RPGRIP1: variants seen among roughly 807,000 people sequenced by gnomAD.
The protein encoded by RPGRIP1 is X-linked retinitis pigmentosa GTPase regulator-interacting protein 1.
Under a neutral mutation model 157.9 loss-of-function variants are expected in RPGRIP1, and 128 were observed. That is an observed-to-expected ratio of 0.81 (90% CI 0.70 to 0.94). The LOEUF is 0.94. Ranked by LOEUF, RPGRIP1 falls within the 40% of genes least tolerant of loss-of-function variation. The pLI is 0.00. For missense variants in RPGRIP1, 1,486 were observed against 1,545.8 expected (o/e 0.96, Z 0.65); for synonymous variants, 554 against 571.6 (o/e 0.97, Z 0.44).
intron 7 of RPGRIP1, among the ~76,000 whole-genome samples, chr14:21,309,807 C>A (rs1022617725): frequency 1.4e-5 from 2 of 147,500 alleles, no homozygotes; most frequent in East Asian, 2.0e-4. Context: ...GATTATTTGA[C>A]CTTTTTTAAA....
intron 6 of RPGRIP1, among the ~76,000 whole-genome samples, chr14:21,306,446 ATTATT>A (rs376127265): frequency 1.7e-4 from 26 of 148,910 alleles, no homozygotes; most frequent in African/African-American, 1.7e-4. Context: ...TCTTCTTTCT[ATTATT>A]TTATTTTATT....
intron 3 of RPGRIP1, among the ~76,000 whole-genome samples, chr14:21,297,834 A>ATTCTTTCTTTCTTTCTTTCTCTCT (rs1880850280): frequency 7.5e-6 from 1 of 133,216 alleles, no homozygotes; most frequent in Non-Finnish European, 1.5e-5. Context: ...TCAATAAATT[A>ATTCTTTCTTTCTTTCTTTCTCTCT]TTCTTTCTTT....
chr14:21,302,875 T>TG (rs1217967649), intron 5 of RPGRIP1: 2 of 187,120 alleles, frequency 1.1e-5, no homozygotes, highest in East Asian at 1.2e-4. Flanking sequence ...GTTTTTTTTT[T>TG]TTTTTTTTTT....
At position 21,287,943 on chromosome 14, in the gene RPGRIP1, C is replaced by T. The variant is rs766689197; in HGVS notation, c.-34C>T. 1 of 1,468,224 alleles carries T rather than the reference C, an allele frequency of 6.8e-7. No homozygotes were observed. The highest frequency in any genetic ancestry group is 1.7e-5 in the Admixed American group (1 of 57,962). 90.9% of individuals were successfully genotyped at this position (1,468,224 alleles called of 1,614,324 possible). A position where few individuals can be genotyped will look rare whatever the true frequency, so the allele number is the denominator to read the frequency against. On this transcript the variant is annotated 5_prime_UTR_variant, in exon 2 of 25. Coordinates refer to ENST00000400017, the MANE Select transcript of RPGRIP1 (RefSeq NM_020366.4). ...TGGACTTTTCCTTTATTTCAGTGTC[C>T]TCTGGGATCTCTTACAGCTTGGGAA...
At chr14:21,290,109 G>A (rs1417960846) in intron 2 of RPGRIP1, among the ~76,000 whole-genome samples, 4 of 151,472 alleles carry the variant, frequency 2.6e-5, no homozygotes, top group South Asian at 4.2e-4. Flanking sequence ...TGTCTGCCTC[G>A]GCCTCCCAAA....
At chr14:21,297,873 C>CTTTCTTTCTTTCTTTCTTTT (rs1415395654) in intron 3 of RPGRIP1, among the ~76,000 whole-genome samples, 2 of 150,754 alleles carry the variant, frequency 1.3e-5, no homozygotes, top group Non-Finnish European at 3.0e-5. Flanking sequence ...TTCTTTCTTT[C>CTTTCTTTCTTTCTTTCTTTT]TTTCTTTTTT....
At chr14:21,349,069 T>TG (rs11400065) in intron 24 of RPGRIP1, among the ~76,000 whole-genome samples, 1 of 2,206 alleles carries the variant, frequency 4.5e-4, no homozygotes, top group Non-Finnish European at 1.9e-3. Flanking sequence ...CTTACTACAA[T>TG]TTTTTTTTTT....
At chr14:21,325,658 G>A in intron 16 of RPGRIP1, 173 bp from the exon 17 acceptor site, 1 of 649,140 alleles carries the variant, frequency 1.5e-6, no homozygotes, top group Non-Finnish European at 2.6e-6. Context: ...GTATCTCCCT[G>A]AAATAACTGC....
At chr14:21,294,072 G>A (rs369486246) in intron 2 of RPGRIP1, among the ~76,000 whole-genome samples, 17 of 94,454 alleles carry the variant, frequency 1.8e-4, no homozygotes, top group African/African-American at 4.5e-4. Flanking sequence ...AAAAAAAAAA[G>A]AAGAAGAAGA....
At chr14:21,325,479 AATGT>A in intron 16 of RPGRIP1, 96 bp downstream of exon 16, 1 of 1,191,994 alleles carries the variant, frequency 8.4e-7, no homozygotes, top group Non-Finnish European at 1.2e-6. Context: ...GTGTTTGTTG[AATGT>A]GAATGAAAGA....
chr14:21,341,486 G>A (rs1031593100), intron 21 of RPGRIP1, among the ~76,000 whole-genome samples: 8 of 152,254 alleles, frequency 5.3e-5, no homozygotes, highest in African/African-American at 1.9e-4. Flanking sequence ...GAGAAGTAAG[G>A]GCATTGGCCT....
At chr14:21,294,076 A>G (rs964022934) in intron 2 of RPGRIP1, among the ~76,000 whole-genome samples, 2 of 149,048 alleles carry the variant, frequency 1.3e-5, no homozygotes, top group African/African-American at 4.9e-5. Flanking sequence ...AAAAAAGAAG[A>G]AGAAGAAACT....
At position 21,312,146 on chromosome 14, in the gene RPGRIP1, AT is replaced by A. The variant is rs573028664; in HGVS notation, c.1077+177del. On this transcript the variant is annotated intron_variant, in intron 9 of 24. Coordinates refer to ENST00000400017, the MANE Select transcript of RPGRIP1 (RefSeq NM_020366.4). Reference sequence around the variant, plus strand: ...AGAGGGAAAGCTTGGATTTGTACTTATGTCTGTTTTTCAAAGTCCTTGCTCT... The same window carrying A: ...AGAGGGAAAGCTTGGATTTGTACTTAGTCTGTTTTTCAAAGTCCTTGCTCT... Among the ~76,000 whole-genome samples the A allele has an allele frequency of 3.3e-5, 5 of 152,302 alleles. No individual in the cohort carries two copies. In the South Asian group the frequency reaches 1.0e-3, roughly 32 times the overall value.
chr14:21,312,337 C>T (rs1881573435), intron 9 of RPGRIP1, 96 bp from the exon 10 acceptor site: 3 of 744,582 alleles, frequency 4.0e-6, no homozygotes, highest in South Asian at 4.0e-5. Context: ...TGATAGAAAG[C>T]CTCTCACCCA....
At chr14:21,332,018 A>C (rs987749708) in intron 20 of RPGRIP1, among the ~76,000 whole-genome samples, 14 of 148,138 alleles carry the variant, frequency 9.5e-5, no homozygotes, top group South Asian at 8.5e-4. Flanking sequence ...GGCTCACTGC[A>C]ATCTCTGCCT....
At position 21,345,198 on chromosome 14, in the gene RPGRIP1, G is replaced by T. The variant is rs771116776; in HGVS notation, c.3617+1G>T. 17 of 1,607,128 alleles carry T rather than the reference G, an allele frequency of 1.1e-5. No homozygotes were observed. Among genetic ancestry groups the T allele is most frequent in the Non-Finnish European group, 1.4e-5 (17 of 1,174,984 alleles). On this transcript the variant is annotated splice_donor_variant, in intron 23 of 24. Coordinates refer to ENST00000400017, the MANE Select transcript of RPGRIP1 (RefSeq NM_020366.4). LOFTEE classifies it high-confidence loss of function. ...ATGGACAAGATCCTGATCAAGGACAGTAAGCATCTGCTTTCCACTTTGAAA... is the reference window on the plus strand; with the variant it reads ...ATGGACAAGATCCTGATCAAGGACATTAAGCATCTGCTTTCCACTTTGAAA...
chr14:21,306,607 C>T (rs1303897823), intron 6 of RPGRIP1, among the ~76,000 whole-genome samples: 9 of 150,762 alleles, frequency 6.0e-5, no homozygotes, highest in East Asian at 3.9e-4. Context: ...TACAGGTGTG[C>T]GCCACCATGC....
chr14:21,316,334 A>G (rs960290153), intron 10 of RPGRIP1, among the ~76,000 whole-genome samples: 9 of 151,974 alleles, frequency 5.9e-5, no homozygotes, highest in African/African-American at 2.2e-4. Flanking sequence ...CTGGCCTCGA[A>G]CCCCTGACCT....
chr14:21,312,865 C>T (rs911734471), intron 10 of RPGRIP1, among the ~76,000 whole-genome samples: 1 of 151,746 alleles, frequency 6.6e-6, no homozygotes, highest in Non-Finnish European at 1.5e-5. Flanking sequence ...GATGTAGTTT[C>T]TCTCTGTCAC....
Sources: gnomAD v4.1 joint callset for allele counts (sites outside exome capture counted in the v4.1 genomes callset) on GRCh38, gnomAD v4.1.1 for gene constraint, MANE v1.5 for transcripts, NCBI Gene and HGNC (gene_info 2026-07-23, HGNC 2026-07-21) for gene names.